The following SAMD5 variants were observed in gnomAD, a reference collection of about 807,000 sequenced individuals.
The protein encoded by SAMD5 is sterile alpha motif domain-containing protein 5.
Under a neutral mutation model 11.3 loss-of-function variants are expected in SAMD5, and 13 were observed. That is an observed-to-expected ratio of 1.15 (90% confidence interval 0.75 to 1.83). The LOEUF (loss-of-function observed/expected upper bound fraction) is 1.83. SAMD5 is among the 40% of genes most tolerant of loss of function. The probability of loss-of-function intolerance (pLI) is 0.00; values close to 1 mark genes in which losing one functional copy is unlikely to be tolerated. For synonymous variants in SAMD5, 129 were observed against 111.3 expected (o/e 1.16, Z -1.00); for missense variants, 255 against 239.1 (o/e 1.07, Z -0.44).
At chr6:147,564,350 G>A (rs1789001643) in intron 1 of SAMD5, 44 bp from the exon 2 acceptor site, 1 of 777,560 alleles carries the variant, frequency 1.3e-6, no homozygotes, top group African/African-American at 1.7e-5. Context: ...GGGAAGAATG[G>A]GTAAAGGAGA....
At chr6:147,944,185 C>T in the SAMD5 span, among the ~76,000 whole-genome samples, 1 of 152,196 alleles carries the variant, frequency 6.6e-6, no homozygotes, top group Non-Finnish European at 1.5e-5. Context: ...ACATCTCCTC[C>T]CCTAAGAAAA....
intron 1 of SAMD5, among the ~76,000 whole-genome samples, chr6:147,633,794 G>A (rs1375307373): frequency 6.6e-6 from 1 of 151,016 alleles, no homozygotes; most frequent in Non-Finnish European, 1.5e-5. Context: ...GTTCAAAGGA[G>A]TGTATTCATT....
chr6:147,573,958 A>G (rs1789176239), downstream of SAMD5, among the ~76,000 whole-genome samples: 1 of 152,066 alleles, frequency 6.6e-6, no homozygotes, highest in African/African-American at 2.4e-5. Flanking sequence ...CCCCATCTCT[A>G]CTAAAAAAAC....
intron 1 of SAMD5, among the ~76,000 whole-genome samples, chr6:147,665,014 A>G (rs188134282): frequency 6.6e-6 from 1 of 152,120 alleles, no homozygotes; most frequent in African/African-American, 2.4e-5. Flanking sequence ...CAAGTGGGGA[A>G]TCATTCAACC....
chr6:147,871,521 T>C, the SAMD5 span, among the ~76,000 whole-genome samples: 1 of 152,106 alleles, frequency 6.6e-6, no homozygotes, highest in African/African-American at 2.4e-5. Flanking sequence ...AGCCTCAAAA[T>C]AAAAGAAGTA....
At chr6:147,919,045 T>C in the SAMD5 span, among the ~76,000 whole-genome samples, 1 of 152,138 alleles carries the variant, frequency 6.6e-6, no homozygotes, top group African/African-American at 2.4e-5. Context: ...GGCCCAGAAT[T>C]GAGCTGAAAT....
chr6:147,939,760 C>T, the SAMD5 span, among the ~76,000 whole-genome samples: 1 of 152,126 alleles, frequency 6.6e-6, no homozygotes, highest in South Asian at 2.1e-4. Flanking sequence ...CCCACCTTTC[C>T]AGAGGCACAG....
chr6:147,625,097 C>T (rs182417095), intron 1 of SAMD5, among the ~76,000 whole-genome samples: 4 of 152,140 alleles, frequency 2.6e-5, no homozygotes, highest in South Asian at 2.1e-4. Flanking sequence ...ACCAGTTAGT[C>T]GATTGGTGTG....
chr6:147,869,349 G>A, the SAMD5 span, among the ~76,000 whole-genome samples: 1 of 152,324 alleles, frequency 6.6e-6, no homozygotes, highest in East Asian at 1.9e-4. Context: ...GAGGGCTTGG[G>A]AGATGTTTTC....
intron 1 of SAMD5, among the ~76,000 whole-genome samples, chr6:147,660,059 A>G (rs952705450): frequency 6.6e-5 from 10 of 152,276 alleles, no homozygotes; most frequent in Admixed American, 5.2e-4. Context: ...TGCCATTAAC[A>G]ACATTGACAG....
chr6:147,858,503 T>C, the SAMD5 span, among the ~76,000 whole-genome samples: 3 of 152,208 alleles, frequency 2.0e-5, no homozygotes, highest in Non-Finnish European at 2.9e-5. Flanking sequence ...CCTTAGATAT[T>C]GTACACTTGG....
the SAMD5 span, among the ~76,000 whole-genome samples, chr6:147,840,388 A>C: frequency 6.6e-6 from 1 of 152,212 alleles, no homozygotes; most frequent in African/African-American, 2.4e-5. Flanking sequence ...CCATTCTTCA[A>C]GATCTATTCT....
chr6:147,628,759 T>A (rs1237978911), intron 1 of SAMD5, among the ~76,000 whole-genome samples: 2 of 152,178 alleles, frequency 1.3e-5, no homozygotes, highest in Non-Finnish European at 2.9e-5. Flanking sequence ...CACCTCACTC[T>A]GCTGGCCCAT....
the SAMD5 span, among the ~76,000 whole-genome samples, chr6:147,799,006 T>G: frequency 1.3e-5 from 2 of 152,192 alleles, no homozygotes; most frequent in Admixed American, 6.5e-5. Context: ...CACTGATGGG[T>G]CTTGACTCTT....
intron 1 of SAMD5, among the ~76,000 whole-genome samples, chr6:147,640,284 T>C (rs1474399050): frequency 6.7e-6 from 1 of 148,542 alleles, no homozygotes; most frequent in Non-Finnish European, 1.5e-5. Flanking sequence ...TGAGAATCCA[T>C]ACCACTGCAC....
At chr6:147,690,906 A>G (rs1204318331) in intron 1 of SAMD5, among the ~76,000 whole-genome samples, 4 of 150,818 alleles carry the variant, frequency 2.7e-5, no homozygotes, top group Admixed American at 6.6e-5. Flanking sequence ...ACCCAGAATA[A>G]GTGCGATTTC....
At chr6:147,862,196 G>A in the SAMD5 span, among the ~76,000 whole-genome samples, 1 of 151,842 alleles carries the variant, frequency 6.6e-6, no homozygotes, top group African/African-American at 2.4e-5. Flanking sequence ...GGTTATCTAA[G>A]TGCCCTGGAA....
chr6:147,590,552 A>T (rs1789437975), intron 1 of SAMD5, among the ~76,000 whole-genome samples: 1 of 152,072 alleles, frequency 6.6e-6, no homozygotes, highest in Non-Finnish European at 1.5e-5. Context: ...AGCTGGGATT[A>T]CAGGCACGCA....
At chr6:147,768,879 C>T in the SAMD5 span, among the ~76,000 whole-genome samples, 17 of 152,148 alleles carry the variant, frequency 1.1e-4, no homozygotes, top group South Asian at 6.2e-4. Context: ...CTGCAACCTC[C>T]GCCTCCCAGG....
Sources: gnomAD v4.1 joint callset for allele counts (sites outside exome capture counted in the v4.1 genomes callset) on GRCh38, gnomAD v4.1.1 for gene constraint, MANE v1.5 for transcripts, NCBI Gene and HGNC (gene_info 2026-07-23, HGNC 2026-07-21) for gene names.